NRG3: variants seen among roughly 807,000 people sequenced by gnomAD.
NRG3 encodes the protein pro-neuregulin-3, membrane-bound isoform.
Under a neutral mutation model 66.9 loss-of-function variants are expected in NRG3, and 31 were observed. That is an observed-to-expected ratio of 0.46 (90% confidence interval 0.35 to 0.63). The LOEUF is 0.63. Ranked by LOEUF, NRG3 falls within the 20% of genes least tolerant of loss-of-function variation. The pLI is 0.00. For missense variants in NRG3, 910 were observed against 878.9 expected, an observed-to-expected ratio of 1.04 and a Z score of -0.45; for synonymous variants, 393 against 359.4, an observed-to-expected ratio of 1.09 and a Z score of -1.06.
chr10:82,805,762 A>G (rs1018600215), intron 3 of NRG3, among the ~76,000 whole-genome samples: 8 of 152,198 alleles, frequency 5.3e-5, no homozygotes, highest in Admixed American at 2.0e-4. Context: ...TGGCTAAGCA[A>G]CCTGAGCCTC....
intron 3 of NRG3, among the ~76,000 whole-genome samples, chr10:82,740,857 T>C (rs2058392609): frequency 1.3e-5 from 2 of 150,030 alleles, no homozygotes; most frequent in East Asian, 2.0e-4. Flanking sequence ...AAATTATACC[T>C]CTCTGAAATG....
chr10:82,632,299 G>A (rs1247647368), intron 2 of NRG3, among the ~76,000 whole-genome samples: 1 of 152,094 alleles, frequency 6.6e-6, no homozygotes, highest in Non-Finnish European at 1.5e-5. Context: ...TCATAGACTT[G>A]AAGATATATT....
chr10:82,003,607 G>C (rs1026444191), intron 1 of NRG3, among the ~76,000 whole-genome samples: 6 of 152,166 alleles, frequency 3.9e-5, no homozygotes, highest in Non-Finnish European at 5.9e-5. Context: ...TTACATTGAA[G>C]GCTGTTTAAA....
intron 2 of NRG3, among the ~76,000 whole-genome samples, chr10:82,511,393 G>A (rs1200911095): frequency 6.6e-6 from 1 of 152,128 alleles, no homozygotes; most frequent in Admixed American, 6.6e-5. Context: ...TCTTACCCTT[G>A]CCTACGTATT....
intron 2 of NRG3, among the ~76,000 whole-genome samples, chr10:82,384,140 CTT>C (rs1403699821): frequency 6.6e-6 from 1 of 152,090 alleles, no homozygotes; most frequent in Non-Finnish European, 1.5e-5. Context: ...TATTGACAAA[CTT>C]ATTTAATTTT....
At chr10:82,474,588 A>T (rs1320796714) in intron 2 of NRG3, among the ~76,000 whole-genome samples, 1 of 152,198 alleles carries the variant, frequency 6.6e-6, no homozygotes, top group African/African-American at 2.4e-5. Flanking sequence ...GGAAAAATGA[A>T]TGAAGAAAAG....
At chr10:82,638,405 C>T (rs916629988) in intron 2 of NRG3, among the ~76,000 whole-genome samples, 1 of 152,100 alleles carries the variant, frequency 6.6e-6, no homozygotes, top group African/African-American at 2.4e-5. Context: ...AAACATACTG[C>T]ACTGTGTCCC....
intron 2 of NRG3, among the ~76,000 whole-genome samples, chr10:82,533,099 T>A (rs935302891): frequency 6.6e-6 from 1 of 152,004 alleles, no homozygotes; most frequent in Non-Finnish European, 1.5e-5. Context: ...TATCTTTTTT[T>A]TTTTTCGAGA....
chr10:82,443,532 T>G (rs1304974539), intron 2 of NRG3, among the ~76,000 whole-genome samples: 1 of 152,156 alleles, frequency 6.6e-6, no homozygotes, highest in Non-Finnish European at 1.5e-5. Flanking sequence ...AACCATTTTT[T>G]TCATATGGGA....
At chr10:82,358,707 G>A in intron 1 of NRG3, 32 bp from the exon 2 acceptor site, 2 of 1,613,554 alleles carry the variant, frequency 1.2e-6, no homozygotes, top group African/African-American at 2.7e-5. Context: ...ATGTACTGCT[G>A]ACAGCGTTTC....
intron 2 of NRG3, among the ~76,000 whole-genome samples, chr10:82,555,237 A>G (rs1379029249): frequency 6.6e-6 from 1 of 152,160 alleles, no homozygotes; most frequent in South Asian, 2.1e-4. Flanking sequence ...AGTTTTGCAA[A>G]TACAGATTAC....
At chr10:82,306,984 G>T (rs1210467984) in intron 1 of NRG3, among the ~76,000 whole-genome samples, 1 of 151,762 alleles carries the variant, frequency 6.6e-6, no homozygotes, top group Admixed American at 6.6e-5. Flanking sequence ...CTGACATAAA[G>T]TTACAAACTT....
At chr10:82,220,176 T>G (rs971069705) in intron 1 of NRG3, among the ~76,000 whole-genome samples, 1 of 135,198 alleles carries the variant, frequency 7.4e-6, no homozygotes, top group Non-Finnish European at 1.5e-5. Context: ...CATGTGGGCA[T>G]GTATCTTTAC....
At chr10:82,204,577 C>T (rs1053789869) in intron 1 of NRG3, among the ~76,000 whole-genome samples, 2 of 152,218 alleles carry the variant, frequency 1.3e-5, no homozygotes. Context: ...CTGTACAACT[C>T]TCTCTGTGTT....
At chr10:82,052,319 C>T (rs1439883218) in intron 1 of NRG3, among the ~76,000 whole-genome samples, 1 of 152,046 alleles carries the variant, frequency 6.6e-6, no homozygotes, top group Non-Finnish European at 1.5e-5. Flanking sequence ...TTGAATTAGG[C>T]TGAAGGGAAG....
chr10:82,810,076 T>C (rs2061430202), intron 3 of NRG3, among the ~76,000 whole-genome samples: 1 of 152,178 alleles, frequency 6.6e-6, no homozygotes, highest in Admixed American at 6.5e-5. Flanking sequence ...ACTAATTCCT[T>C]TGGCAATTAT....
intron 1 of NRG3, among the ~76,000 whole-genome samples, chr10:82,254,044 C>T (rs2077601539): frequency 6.6e-6 from 1 of 152,206 alleles, no homozygotes; most frequent in South Asian, 2.1e-4. Context: ...CACGAAGCCC[C>T]CTCTACCCCT....
chr10:82,593,801 A>C (rs1022613683), intron 2 of NRG3, among the ~76,000 whole-genome samples: 5 of 151,976 alleles, frequency 3.3e-5, no homozygotes, highest in African/African-American at 1.2e-4. Flanking sequence ...TATATTGAAC[A>C]TATATGTCTG....
At chr10:81,977,459 A>G (rs1410285372) in intron 1 of NRG3, among the ~76,000 whole-genome samples, 1 of 152,224 alleles carries the variant, frequency 6.6e-6, no homozygotes, top group Non-Finnish European at 1.5e-5. Flanking sequence ...GGCTTAAAGT[A>G]GACAATTTTG....
Sources: gnomAD v4.1 joint callset for allele counts (sites outside exome capture counted in the v4.1 genomes callset) on GRCh38, gnomAD v4.1.1 for gene constraint, MANE v1.5 for transcripts, NCBI Gene and HGNC (gene_info 2026-07-23, HGNC 2026-07-21) for gene names.